CLIP2: variants seen among roughly 807,000 people sequenced by gnomAD.
CLIP2 encodes the protein CAP-Gly domain containing linker protein 2.
Under a neutral mutation model 111.7 loss-of-function variants are expected in CLIP2, and 41 were observed. The observed-to-expected ratio is 0.37, with a 90% confidence interval of 0.29 to 0.48. The LOEUF is 0.48. Among genes scored for constraint, CLIP2 ranks in the 20% least tolerant of loss-of-function variants. The pLI, the probability that CLIP2 is intolerant of heterozygous loss-of-function variation, is 0.99. For synonymous variants in CLIP2, 660 were observed against 644.2 expected, an observed-to-expected ratio of 1.02 and a Z score of -0.37; for missense variants, 1,160 against 1,422.1, an observed-to-expected ratio of 0.82 and a Z score of 2.96.
At chr7:74,330,642 G>GATGCTCCT (rs1789254267) in intron 2 of CLIP2, among the ~76,000 whole-genome samples, 1 of 152,066 alleles carries the variant, frequency 6.6e-6, no homozygotes, top group African/African-American at 2.4e-5. Flanking sequence ...TGGATGTCGG[G>GATGCTCCT]ATGCTCCTGA....
chr7:74,335,251 A>G (rs1346499174), intron 2 of CLIP2, among the ~76,000 whole-genome samples: 2 of 145,712 alleles, frequency 1.4e-5, no homozygotes, highest in African/African-American at 5.0e-5. Context: ...AGCCTGGGTA[A>G]CAGAGCGAGA....
intron 8 of CLIP2, among the ~76,000 whole-genome samples, chr7:74,368,240 G>A (rs992813215): frequency 1.3e-5 from 2 of 151,924 alleles, no homozygotes; most frequent in Non-Finnish European, 2.9e-5. Context: ...AATAAAGGCC[G>A]GGCGCGGTGG....
intron 3 of CLIP2, among the ~76,000 whole-genome samples, chr7:74,350,935 A>G (rs184690011): frequency 4.0e-5 from 6 of 148,660 alleles, no homozygotes; most frequent in Non-Finnish European, 6.0e-5. Flanking sequence ...GAAGGGAAGG[A>G]AAGGAAGGAA....
In CLIP2 at chr7:74,376,333, G is replaced by A. The variant is rs1315533567; in HGVS notation, c.1932G>A (p.Lys644=). The A allele has an allele frequency of 1.2e-6, 2 of 1,613,870 alleles. No homozygotes were observed. The highest frequency in any genetic ancestry group is 1.3e-5 in the African/African-American group (1 of 74,908). The change falls in exon 10 of 17, where the codon AAG becomes AAA. Residue 644 remains lysine, a synonymous_variant. Transcript: ENST00000223398. This position sits in a 1 kb window ranked among gnomAD's most constrained non-coding sequence, Gnocchi z 7.1. Reference sequence around the variant, plus strand: ...ACTCGGGCCCAGGCGCCCAGCAGAAGGAGATCGGCGAGCTGAAGGCAGTGA... The same window carrying A: ...ACTCGGGCCCAGGCGCCCAGCAGAAAGAGATCGGCGAGCTGAAGGCAGTGA... ...TLNSGPGAQQ[K]EIGELKAVME... is the part of the protein sequence containing the mutation.
intron 15 of CLIP2, 91 bp from the exon 16 acceptor site, chr7:74,401,414 A>G: frequency 1.6e-6 from 2 of 1,263,768 alleles, no homozygotes; most frequent in East Asian, 2.5e-5. Context: ...GGAGCCTGAG[A>G]CGGTCCCATG....
At position 74,373,725 on chromosome 7, in the gene CLIP2, C is replaced by T. The variant is rs73360587; in HGVS notation, c.1485+689C>T. Among the ~76,000 whole-genome samples the T allele has an allele frequency of 4.0e-3, 609 of 152,128 alleles. 10 individuals are homozygous for T. Among genetic ancestry groups the T allele is most frequent in the African/African-American group, 0.014 (580 of 41,492 alleles). On this transcript the variant is annotated intron_variant, in intron 9 of 16. Coordinates refer to ENST00000223398, the MANE Select transcript of CLIP2 (RefSeq NM_003388.5). ...GTCTCTATGTAGGCAGACCTAGAAA[C>T]CACTGATCCATGTCTCCTGTCTCCC...
intron 3 of CLIP2, among the ~76,000 whole-genome samples, chr7:74,348,397 T>C (rs1554306805): frequency 6.6e-6 from 1 of 152,026 alleles, no homozygotes; most frequent in African/African-American, 2.4e-5. Context: ...GGCTCATACC[T>C]GTAACCCCAG....
intron 12 of CLIP2, 114 bp from the exon 13 acceptor site, chr7:74,388,989 G>A: frequency 7.7e-7 from 1 of 1,306,382 alleles, no homozygotes; most frequent in South Asian, 1.5e-5. Context: ...AGTGGGGTAT[G>A]TCACCTTCAT....
At chr7:74,297,872 G>A (rs989109931) in intron 1 of CLIP2, among the ~76,000 whole-genome samples, 9 of 151,618 alleles carry the variant, frequency 5.9e-5, no homozygotes, top group African/African-American at 2.2e-4. Flanking sequence ...GAGTGCAGTC[G>A]TGCCATCTTG....
intron 13 of CLIP2, among the ~76,000 whole-genome samples, chr7:74,391,703 C>T (rs1161129364): frequency 6.6e-6 from 1 of 151,920 alleles, no homozygotes; most frequent in Non-Finnish European, 1.5e-5. Flanking sequence ...ACCTGTAGTC[C>T]CAGCTACTCA....
chr7:74,394,386 G>A (rs879967869), intron 13 of CLIP2, among the ~76,000 whole-genome samples: 2 of 151,868 alleles, frequency 1.3e-5, no homozygotes, highest in Admixed American at 1.3e-4. Flanking sequence ...AAGTAGCTGG[G>A]ATTACAGGCA....
At chr7:74,365,526 T>C (rs2116629307) in intron 8 of CLIP2, among the ~76,000 whole-genome samples, 1 of 152,232 alleles carries the variant, frequency 6.6e-6, no homozygotes, top group East Asian at 1.9e-4. Context: ...CTCTGATTGG[T>C]CCCAGGGATA....
chr7:74,380,958 T>A, intron 11 of CLIP2, 95 bp downstream of exon 11: 1 of 1,236,322 alleles, frequency 8.1e-7, no homozygotes, highest in Non-Finnish European at 1.2e-6. Flanking sequence ...TTGCATCATC[T>A]GCCATTTGGT....
At chr7:74,335,502 C>CATTT (rs60843727) in intron 2 of CLIP2, among the ~76,000 whole-genome samples, 91,018 of 149,216 alleles carry the variant, frequency 0.61, 29,745 homozygotes, top group Middle Eastern at 0.74. Context: ...CTTATTTATT[C>CATTT]ATTTATTTAT....
chr7:74,348,465 G>T (rs1789865977), intron 3 of CLIP2, among the ~76,000 whole-genome samples: 1 of 151,926 alleles, frequency 6.6e-6, no homozygotes, highest in African/African-American at 2.4e-5. Context: ...GGATCAGCCT[G>T]GGCAACATAC....
chr7:74,320,463 G>A (rs1300825801), intron 2 of CLIP2, among the ~76,000 whole-genome samples: 1 of 151,826 alleles, frequency 6.6e-6, no homozygotes, highest in South Asian at 2.1e-4. Flanking sequence ...TCGAGGCTGC[G>A]GTGAGTTTTG....
chr7:74,386,451 GC>G, intron 11 of CLIP2, 69 bp from the exon 12 acceptor site: 1 of 1,285,214 alleles, frequency 7.8e-7, no homozygotes, highest in Non-Finnish European at 1.1e-6. Flanking sequence ...CTGTGGGAGG[GC>G]CATGGCCCTA....
At chr7:74,320,128 G>A (rs563764012) in intron 2 of CLIP2, among the ~76,000 whole-genome samples, 47 of 150,198 alleles carry the variant, frequency 3.1e-4, no homozygotes, top group African/African-American at 1.1e-3. Flanking sequence ...CCCGGGAGGC[G>A]GAGTTTGCAG....
chr7:74,313,792 G>A (rs1788701662), intron 1 of CLIP2, among the ~76,000 whole-genome samples: 1 of 152,092 alleles, frequency 6.6e-6, no homozygotes, highest in Non-Finnish European at 1.5e-5. Flanking sequence ...GCCCTGAGAC[G>A]CCTCACCTGA....
Sources: allele counts gnomAD v4.1 joint callset (sites outside exome capture counted in the v4.1 genomes callset), GRCh38; gene constraint gnomAD v4.1.1; non-coding constraint Gnocchi (gnomAD v3.1); transcripts MANE v1.5; gene names NCBI Gene and HGNC (gene_info 2026-07-23, HGNC 2026-07-21).